Variants in ZNF160 observed in about 807,000 individuals in gnomAD.
The protein encoded by ZNF160 is zinc finger protein 160, also known as KRAB zinc finger protein KR18.
Under a neutral mutation model 13.1 loss-of-function variants are expected in ZNF160, and 9 were observed. The ratio of observed to expected loss-of-function variants is 0.69; its 90% CI spans 0.41 to 1.20. ZNF160 has a LOEUF of 1.20. Ranked by LOEUF, ZNF160 falls within the 50% of genes most tolerant of loss-of-function variation. The pLI is 0.01. For synonymous variants in ZNF160, 293 were observed against 333.2 expected (o/e 0.88, Z 1.31); for missense variants, 838 against 988.0 (o/e 0.85, Z 2.04).
chr19:53,073,878 C>T (rs528293049), intron 5 of ZNF160, among the ~76,000 whole-genome samples: 3 of 152,122 alleles, frequency 2.0e-5, no homozygotes, highest in African/African-American at 2.4e-5. Flanking sequence ...CTCCACCTCC[C>T]GGGTTCAAGC....
At chr19:53,089,434 T>C (rs2145871462) in intron 2 of ZNF160, among the ~76,000 whole-genome samples, 1 of 152,338 alleles carries the variant, frequency 6.6e-6, no homozygotes, top group Non-Finnish European at 1.5e-5. Context: ...CTAAATATTA[T>C]GTAATCAGTA....
chr19:53,073,431 C>A (rs774161259), intron 5 of ZNF160: 1 of 1,598,266 alleles, frequency 6.3e-7, no homozygotes, highest in African/African-American at 1.3e-5. Context: ...CAGGCGGAGA[C>A]GGCTGGAGAC....
intron 1 of ZNF160, among the ~76,000 whole-genome samples, chr19:53,092,210 T>C (rs1366527413): frequency 6.6e-6 from 1 of 152,200 alleles, no homozygotes; most frequent in African/African-American, 2.4e-5. Context: ...TTTTAATCTG[T>C]TGTAGAAAAA....
chr19:53,073,163 A>C, intron 5 of ZNF160: 1 of 1,400,200 alleles, frequency 7.1e-7, no homozygotes, highest in Non-Finnish European at 9.3e-7. Context: ...CCCACATTCT[A>C]CTCTTTGCTG....
chr19:53,068,168 T>C lies in ZNF160; in HGVS notation c.2366A>G (p.Tyr789Cys). The C allele has an allele frequency of 6.2e-7, 1 of 1,614,232 alleles. No homozygotes were observed. Among genetic ancestry groups the C allele is most frequent in the Admixed American group, 1.7e-5 (1 of 60,022 alleles). Reference sequence around the variant, plus strand: ...GACCTTGCCACACTCATTACATTTGTAACGCTTTTCTCCAGTGTGGATTGC... The same window carrying C: ...GACCTTGCCACACTCATTACATTTGCAACGCTTTTCTCCAGTGTGGATTGC... ...HMAIHTGEKR[Y>C]KCNECGKVFR... The change falls in exon 6 of 6, where the codon TAC (tyrosine) becomes TGC (cysteine). Residue 789 changes from tyrosine to cysteine, a missense_variant. Physicochemically the swap from Tyr to Cys is radical, Grantham distance 194. Coordinates refer to ENST00000683776, the MANE Select transcript of ZNF160 (RefSeq NM_001322131.2).
At chr19:53,099,097 A>C (rs1324717399) in intron 1 of ZNF160, among the ~76,000 whole-genome samples, 1 of 149,570 alleles carries the variant, frequency 6.7e-6, no homozygotes, top group Non-Finnish European at 1.5e-5. Flanking sequence ...GCCAAGATGG[A>C]GACACAAAAC....
intron 5 of ZNF160, among the ~76,000 whole-genome samples, chr19:53,072,105 CTT>C (rs66465576): frequency 1.4e-4 from 20 of 141,486 alleles, no homozygotes; most frequent in Admixed American, 2.8e-4. Flanking sequence ...TTCTTTCTTT[CTT>C]TTTTTTTTTT....
chr19:53,097,792 T>C (rs2085291746), intron 1 of ZNF160, among the ~76,000 whole-genome samples: 1 of 152,222 alleles, frequency 6.6e-6, no homozygotes. Context: ...TCTGAGATTC[T>C]TCCTATCTTT....
chr19:53,071,767 C>A (rs557832493), intron 5 of ZNF160, among the ~76,000 whole-genome samples: 1 of 152,102 alleles, frequency 6.6e-6, no homozygotes, highest in South Asian at 2.1e-4. Flanking sequence ...TATTTTTCCA[C>A]GCTGACCTCA....
At chr19:53,094,733 C>A (rs746784544) in intron 1 of ZNF160, among the ~76,000 whole-genome samples, 7 of 152,162 alleles carry the variant, frequency 4.6e-5, no homozygotes, top group Non-Finnish European at 8.8e-5. Context: ...TGAAAATAAG[C>A]CGGAAGCATC....
rs540896216 is a variant in ZNF160, at chr19:53,082,223, C to G, written c.15+4039G>C. On this transcript the variant is annotated intron_variant, in intron 3 of 5. Coordinates refer to ENST00000683776, the MANE Select transcript of ZNF160 (RefSeq NM_001322131.2). ...CTAAACCTCAACATCACAAAATATA[C>G]CCATGTAAGAAACCTCACGTGTACC... Among the ~76,000 whole-genome samples the G allele has an allele frequency of 2.6e-4, 40 of 152,212 alleles. No individual in the cohort carries two copies. In the South Asian group the frequency reaches 7.2e-3, roughly 28 times the overall value.
At chr19:53,074,048 C>T in intron 5 of ZNF160, 92 bp downstream of exon 5, 1 of 1,326,040 alleles carries the variant, frequency 7.5e-7, no homozygotes, top group Non-Finnish European at 1.1e-6. Flanking sequence ...CCTTGGCCTC[C>T]CTAAGTGTTG....
At chr19:53,090,764 C>G (rs750237846) in intron 2 of ZNF160, among the ~76,000 whole-genome samples, 5 of 152,174 alleles carry the variant, frequency 3.3e-5, no homozygotes, top group Non-Finnish European at 7.3e-5. Flanking sequence ...CGAGGACTCT[C>G]TTGCACCGGA....
intron 3 of ZNF160, among the ~76,000 whole-genome samples, chr19:53,081,787 T>C (rs1203078536): frequency 1.3e-5 from 2 of 152,064 alleles, no homozygotes; most frequent in African/African-American, 4.8e-5. Flanking sequence ...CAAAGGAAAA[T>C]AGATTGTTCT....
At position 53,069,071 on chromosome 19, in the gene ZNF160, T is replaced by C. The variant is rs769963439; in HGVS notation, c.1463A>G (p.Lys488Arg). 116 of 1,614,086 alleles carry C rather than the reference T, an allele frequency of 7.2e-5. No homozygotes were observed. The Admixed American group carries it at 1.2e-3, about 17-fold the overall frequency. ...TKPFKCNECSKVFTQNSQLAN... is the reference protein window; with the variant it reads ...TKPFKCNECSRVFTQNSQLAN... Reference sequence around the variant, plus strand: ...AAGTTGTGAATTTTGAGTGAAAACCTTGCTGCATTCATTGCATTTGAAAGG... The same window carrying C: ...AAGTTGTGAATTTTGAGTGAAAACCCTGCTGCATTCATTGCATTTGAAAGG... Residue 488 changes from lysine to arginine, a missense_variant, in exon 6 of 6, where the codon AAG becomes AGG. Lys to Arg is a conservative substitution (Grantham distance 26). This residue lies in a region of ZNF160 where 400 missense variants were observed against 538.9 expected (regional missense o/e 0.74). Transcript: ENST00000683776. This position sits in a 1 kb window ranked among gnomAD's most constrained non-coding sequence, Gnocchi z 4.4.
At chr19:53,073,476 A>G in intron 5 of ZNF160, 2 of 1,598,204 alleles carry the variant, frequency 1.3e-6, no homozygotes, top group East Asian at 2.2e-5. Context: ...GATGCCAAGG[A>G]GCAGCAGCCA....
At position 53,074,227 on chromosome 19, in the gene ZNF160, C is replaced by A; in HGVS notation, c.184G>T (p.Glu62Ter). 1 of 1,614,110 alleles carries A rather than the reference C, an allele frequency of 6.2e-7. No homozygotes were observed. The highest frequency in any genetic ancestry group is 8.5e-7 in the Non-Finnish European group (1 of 1,180,030). Residue 62 changes from glutamate to a stop codon, truncating the protein, a stop_gained, in exon 5 of 6, where the codon GAA (glutamate) becomes TAA (stop). Coordinates refer to ENST00000683776, the MANE Select transcript of ZNF160 (RefSeq NM_001322131.2). LOFTEE classifies it high-confidence loss of function. ...TTCACAGTCCAGGGCTCTTTCCCTT[C>A]CTCCAACATGGAGATAATATTCATA... is the stretch of plus-strand genomic sequence containing the variant. The part of the protein sequence containing the change: ...FDMNIISMLE[E>*]GKEPWTVKSC...
chr19:53,077,731 A>C (rs894825197), intron 3 of ZNF160, among the ~76,000 whole-genome samples: 1 of 151,352 alleles, frequency 6.6e-6, no homozygotes, highest in Non-Finnish European at 1.5e-5. Flanking sequence ...CAACATATTA[A>C]ATCACCACAA....
chr19:53,087,218 G>A (rs1270160717), intron 2 of ZNF160, among the ~76,000 whole-genome samples: 13 of 152,196 alleles, frequency 8.5e-5, no homozygotes, highest in Admixed American at 2.0e-4. Flanking sequence ...TGTGTGACTG[G>A]AGCAGAGGGG....
Sources: gnomAD v4.1 joint callset for allele counts (sites outside exome capture counted in the v4.1 genomes callset) on GRCh38, gnomAD v4.1.1 for gene constraint, gnomAD v4.1.1 regional missense constraint, Gnocchi (gnomAD v3.1) non-coding constraint, MANE v1.5 for transcripts, NCBI Gene and HGNC (gene_info 2026-07-23, HGNC 2026-07-21) for gene names.